Variants in MARCHF1 observed in about 807,000 individuals in gnomAD.
The protein encoded by MARCHF1 is membrane associated ring-CH-type finger 1.
MARCHF1 carries 40 observed loss-of-function variants against 54.2 expected under a neutral mutation model. The observed-to-expected ratio is 0.74, with a 90% confidence interval of 0.57 to 0.96. The LOEUF (loss-of-function observed/expected upper bound fraction) is 0.96. Ranked by LOEUF, MARCHF1 falls within the 40% of genes least tolerant of loss-of-function variation. MARCHF1 has a pLI of 0.00. For missense variants in MARCHF1, 586 were observed against 656.5 expected, an observed-to-expected ratio of 0.89 and a Z score of 1.17; for synonymous variants, 236 against 236.3, an observed-to-expected ratio of 1.00 and a Z score of 0.01.
chr4:163,684,460 C>G (rs77205389), intron 5 of MARCHF1, among the ~76,000 whole-genome samples: 4,531 of 152,322 alleles, frequency 0.03, 77 homozygotes, highest in East Asian at 0.078. Flanking sequence ...ACATGTCACA[C>G]CAATTCCTCA....
chr4:163,627,370 T>C (rs1257094347), intron 5 of MARCHF1, among the ~76,000 whole-genome samples: 1 of 152,220 alleles, frequency 6.6e-6, no homozygotes, highest in African/African-American at 2.4e-5. Context: ...GCTTAATGTC[T>C]AAACCTTTCT....
chr4:163,830,736 C>T (rs1321282039), intron 4 of MARCHF1, among the ~76,000 whole-genome samples: 1 of 151,794 alleles, frequency 6.6e-6, no homozygotes, highest in Non-Finnish European at 1.5e-5. Context: ...AACAGAGTGA[C>T]ACCCCAGTCT....
intron 4 of MARCHF1, among the ~76,000 whole-genome samples, chr4:163,822,688 G>T (rs1169605079): frequency 6.6e-6 from 1 of 151,878 alleles, no homozygotes; most frequent in Non-Finnish European, 1.5e-5. Flanking sequence ...ATAGGGGTCA[G>T]TGGGATATCC....
chr4:163,920,078 AT>A (rs1015919003), intron 3 of MARCHF1, among the ~76,000 whole-genome samples: 6 of 146,512 alleles, frequency 4.1e-5, no homozygotes, highest in African/African-American at 1.6e-4. Flanking sequence ...TTAATTTAGA[AT>A]TAGGTAACCA....
chr4:163,535,629 C>T (rs1738502003), intron 9 of MARCHF1, among the ~76,000 whole-genome samples: 2 of 152,140 alleles, frequency 1.3e-5, no homozygotes, highest in Admixed American at 6.6e-5. Context: ...TTATACATGG[C>T]TGGACGCCTG....
chr4:163,971,395 G>A (rs535155981), intron 3 of MARCHF1, among the ~76,000 whole-genome samples: 1 of 152,126 alleles, frequency 6.6e-6, no homozygotes, highest in Non-Finnish European at 1.5e-5. Flanking sequence ...AACAGTCCAT[G>A]GTTATTGCCC....
chr4:163,886,212 T>C (rs1453571016), intron 3 of MARCHF1, among the ~76,000 whole-genome samples: 1 of 150,452 alleles, frequency 6.6e-6, no homozygotes, highest in African/African-American at 2.4e-5. Context: ...TCTCAATATA[T>C]ATATCTAGAT....
chr4:163,526,685 T>C lies in MARCHF1; in HGVS notation c.*2063A>G, dbSNP rs1313649806. ...AAAACGTTAATTACTTATATCCTTA[T>C]TTATACAGAATTTTTGGTTCAGTTT... On this transcript the variant is annotated 3_prime_UTR_variant, in exon 10 of 10. Coordinates refer to ENST00000514618, the MANE Select transcript of MARCHF1 (RefSeq NM_001394959.1). 6.6e-6 allele frequency: 1 copy of C among 152,048 alleles called. No homozygotes were observed. Among genetic ancestry groups the C allele is most frequent in the Non-Finnish European group, 1.5e-5 (1 of 67,938 alleles). 9.4% of individuals were successfully genotyped at this position (152,048 alleles called of 1,614,324 possible). A position where few individuals can be genotyped will look rare whatever the true frequency, so the allele number is the denominator to read the frequency against.
intron 4 of MARCHF1, among the ~76,000 whole-genome samples, chr4:163,753,453 A>AT (rs932542008): frequency 6.6e-6 from 1 of 151,880 alleles, no homozygotes; most frequent in Admixed American, 6.6e-5. Flanking sequence ...TCTTTTTTCT[A>AT]TTTTTTTAAT....
intron 1 of MARCHF1, among the ~76,000 whole-genome samples, chr4:164,220,157 TATC>T (rs548151920): frequency 2.6e-3 from 397 of 151,610 alleles, no homozygotes; most frequent in Admixed American, 4.6e-3. Context: ...ATGAAATAGC[TATC>T]ATATTTGTGT....
At chr4:164,290,772 T>C (rs1446220528) in intron 1 of MARCHF1, among the ~76,000 whole-genome samples, 2 of 151,954 alleles carry the variant, frequency 1.3e-5, no homozygotes, top group South Asian at 4.1e-4. Flanking sequence ...ATTTATTTTA[T>C]GCTAAATACT....
At chr4:163,804,607 C>T (rs981889718) in intron 4 of MARCHF1, among the ~76,000 whole-genome samples, 2 of 152,164 alleles carry the variant, frequency 1.3e-5, no homozygotes, top group Non-Finnish European at 2.9e-5. Context: ...ATGTTTGTCA[C>T]CTCTTGTGAG....
chr4:164,341,717 C>T (rs948729768), intron 1 of MARCHF1, among the ~76,000 whole-genome samples: 1 of 152,090 alleles, frequency 6.6e-6, no homozygotes, highest in African/African-American at 2.4e-5. Flanking sequence ...GGGCTCTGTC[C>T]CCATGACCTA....
chr4:163,999,643 C>T (rs910967894), intron 2 of MARCHF1, among the ~76,000 whole-genome samples: 8 of 151,366 alleles, frequency 5.3e-5, no homozygotes, highest in Non-Finnish European at 1.2e-4. Context: ...GTTACAGTAC[C>T]ATTATAAATT....
chr4:163,950,239 T>C (rs994479466), intron 3 of MARCHF1, among the ~76,000 whole-genome samples: 6 of 152,126 alleles, frequency 3.9e-5, no homozygotes, highest in Admixed American at 2.0e-4. Flanking sequence ...CAGGCTTGCT[T>C]TGAGCCACCC....
At chr4:163,909,254 G>C (rs1170598483) in intron 3 of MARCHF1, among the ~76,000 whole-genome samples, 1 of 152,088 alleles carries the variant, frequency 6.6e-6, no homozygotes, top group Non-Finnish European at 1.5e-5. Context: ...AGCAATAATA[G>C]AAACAGTAAG....
chr4:163,755,618 T>TC lies in MARCHF1; in HGVS notation c.112-54756dup, dbSNP rs927901595. Among the ~76,000 whole-genome samples the TC allele has an allele frequency of 1.5e-4, 19 of 130,406 alleles. 1 individual carries two copies. The allele number at this position is 130,406 out of a possible 152,430, so 85.6% of individuals were successfully genotyped here. A position where few individuals can be genotyped will look rare whatever the true frequency, so the allele number is the denominator to read the frequency against. On this transcript the variant is annotated intron_variant, in intron 4 of 9. Transcript: ENST00000514618. ...TAAAAAGTAAACCAAAGGGCAAAGA[T>TC]CCCTTTTTTTTTTTTTTCCTGAAGG... is the stretch of plus-strand genomic sequence containing the variant.
chr4:164,073,073 G>GA (rs1754903744), intron 2 of MARCHF1, among the ~76,000 whole-genome samples: 1 of 152,156 alleles, frequency 6.6e-6, no homozygotes. Flanking sequence ...CAGAAGAGGG[G>GA]AAAAATAATG....
intron 4 of MARCHF1, among the ~76,000 whole-genome samples, chr4:163,733,215 A>G (rs1297233003): frequency 1.7e-4 from 6 of 35,146 alleles, no homozygotes; most frequent in Non-Finnish European, 3.4e-4. Flanking sequence ...ATATATATAT[A>G]TATATACACG....
Sources: allele counts gnomAD v4.1 joint callset (sites outside exome capture counted in the v4.1 genomes callset), GRCh38; gene constraint gnomAD v4.1.1; transcripts MANE v1.5; gene names NCBI Gene and HGNC (gene_info 2026-07-23, HGNC 2026-07-21).